HK2: variants seen among roughly 807,000 people sequenced by gnomAD.
HK2 encodes hexokinase 2.
HK2 carries 42 observed loss-of-function variants against 92.9 expected under a neutral mutation model. That is an observed-to-expected ratio of 0.45 (90% confidence interval 0.35 to 0.58). The LOEUF (loss-of-function observed/expected upper bound fraction) is 0.58. Among genes scored for constraint, HK2 ranks in the 20% least tolerant of loss-of-function variants. The pLI, the probability that HK2 is intolerant of heterozygous loss-of-function variation, is 0.00. For synonymous variants in HK2, 422 were observed against 468.0 expected (o/e 0.90, Z 1.27); for missense variants, 978 against 1,245.1 (o/e 0.79, Z 3.23).
chr2:74,848,369 C>A (rs1423627094), intron 1 of HK2, among the ~76,000 whole-genome samples: 1 of 152,214 alleles, frequency 6.6e-6, no homozygotes, highest in East Asian at 1.9e-4. Context: ...AAATATTAAT[C>A]ACAAAATTTA....
At chr2:74,875,884 A>C (rs1573382617) in intron 7 of HK2, among the ~76,000 whole-genome samples, 1 of 151,974 alleles carries the variant, frequency 6.6e-6, no homozygotes, top group Non-Finnish European at 1.5e-5. Flanking sequence ...ATGACAGCAC[A>C]CCCCCGGCTT....
At chr2:74,848,245 T>C (rs748535596) in intron 1 of HK2, among the ~76,000 whole-genome samples, 2 of 152,200 alleles carry the variant, frequency 1.3e-5, no homozygotes, top group Non-Finnish European at 2.9e-5. Flanking sequence ...ACAAGACTCA[T>C]CTCTCCACGC....
At chr2:74,844,602 C>T (rs1445899798) in intron 1 of HK2, among the ~76,000 whole-genome samples, 2 of 152,118 alleles carry the variant, frequency 1.3e-5, no homozygotes, top group African/African-American at 2.4e-5. Flanking sequence ...GCAAGTGGAC[C>T]GCTGGCAGCA....
Position 74,873,744 on chromosome 2 carries a change from A to AG in HK2, c.592-99dup, listed in dbSNP as rs1251303681. ...ATGGGGAGGGAGGGGGGAGAGAGAG[A>AG]GAAGGAGGAGGAGGAGGAGGAGGAG... On this transcript the variant is annotated intron_variant, in intron 5 of 17. Coordinates refer to ENST00000290573, the MANE Select transcript of HK2 (RefSeq NM_000189.5). The AG allele has an allele frequency of 1.6e-4, 121 of 748,452 alleles. 1 individual carries two copies. Among genetic ancestry groups the AG allele is most frequent in the African/African-American group, 4.7e-4 (22 of 47,148 alleles). The allele number at this position is 748,452 out of a possible 1,614,324, so 46.4% of individuals were successfully genotyped here.
intron 16 of HK2, among the ~76,000 whole-genome samples, chr2:74,888,942 A>G (rs898286838): frequency 1.3e-5 from 2 of 152,180 alleles, no homozygotes; most frequent in Non-Finnish European, 2.9e-5. Flanking sequence ...GTAACTGACC[A>G]CTGTGATAAA....
rs745989153 is a variant in HK2, at chr2:74,889,461, C to G, written c.2592C>G (p.Leu864=). ...LKVTVGVDGT[L]YKLHPHFAKV... is the part of the protein sequence containing the mutation. ...TGACAGTGGGTGTGGATGGGACCCTCTACAAGCTACATCCTCAGTGAGTGC... is the reference window on the plus strand; with the variant it reads ...TGACAGTGGGTGTGGATGGGACCCTGTACAAGCTACATCCTCAGTGAGTGC... Residue 864 remains leucine, a synonymous_variant, in exon 17 of 18, where the codon CTC becomes CTG. Transcript: ENST00000290573. 6.2e-7 allele frequency: 1 copy of G among 1,609,600 alleles called. No individual in the cohort carries two copies. Among genetic ancestry groups the G allele is most frequent in the East Asian group, 2.2e-5 (1 of 44,752 alleles).
At position 74,891,126 on chromosome 2, in the gene HK2, GATAA is replaced by G. The variant is rs1352076215; in HGVS notation, c.*189_*192del. On this transcript the variant is annotated 3_prime_UTR_variant, in exon 18 of 18. Transcript: ENST00000290573. ...TGGTGGCTGAGCTTGGCCCTATTAA[GATAA>G]ATAGAGTTCCAAATAAGGATTTGTT... The G allele has an allele frequency of 1.7e-5, 11 of 632,240 alleles. No individual in the cohort carries two copies. The highest frequency in any genetic ancestry group is 9.2e-5 in the African/African-American group (5 of 54,508). 39.2% of individuals were successfully genotyped at this position (632,240 alleles called of 1,614,324 possible).
intron 12 of HK2, among the ~76,000 whole-genome samples, chr2:74,884,150 T>C (rs1446375829): frequency 6.6e-6 from 1 of 152,232 alleles, no homozygotes; most frequent in Non-Finnish European, 1.5e-5. Context: ...CCAGAATGTG[T>C]GTTAACTGTT....
chr2:74,862,543 G>A (rs1053221053), intron 2 of HK2, among the ~76,000 whole-genome samples: 1 of 152,204 alleles, frequency 6.6e-6, no homozygotes, highest in Non-Finnish European at 1.5e-5. Flanking sequence ...AAGGGAGACC[G>A]GGCTGGTGAT....
Position 74,846,069 on chromosome 2 carries a change from C to A in HK2, c.64-8224C>A, listed in dbSNP as rs1397085766. The stretch of plus-strand genomic sequence containing the variant: ...GGACTAGGCCTGTGATTTGGGGAGG[C>A]TTCTCCAAGTCTTGGTTTCCTTGTC... On this transcript the variant is annotated intron_variant, in intron 1 of 17. Coordinates refer to ENST00000290573, the MANE Select transcript of HK2 (RefSeq NM_000189.5). Among the ~76,000 whole-genome samples, 6 of 152,252 alleles carry A rather than the reference C, an allele frequency of 3.9e-5. No individual in the cohort carries two copies. In the East Asian group the frequency reaches 1.2e-3, roughly 29 times the overall value.
chr2:74,886,445 G>A (rs2306806), intron 14 of HK2, 45 bp from the exon 15 acceptor site: 936,899 of 1,613,512 alleles, frequency 0.58, 275,240 homozygotes, highest in Middle Eastern at 0.72. Flanking sequence ...CTTGGGTGTG[G>A]AGGGGTTGGT....
intron 1 of HK2, among the ~76,000 whole-genome samples, chr2:74,852,128 C>T (rs1322804760): frequency 6.6e-6 from 1 of 152,194 alleles, no homozygotes; most frequent in Admixed American, 6.5e-5. Context: ...TGGGAGCAAA[C>T]CCGGAGAATA....
At chr2:74,869,827 A>G (rs1689052229) in intron 3 of HK2, among the ~76,000 whole-genome samples, 1 of 152,110 alleles carries the variant, frequency 6.6e-6, no homozygotes, top group African/African-American at 2.4e-5. Flanking sequence ...CACTTGAGAA[A>G]AGATGTAGGT....
At chr2:74,885,406 G>A in intron 12 of HK2, 88 bp from the exon 13 acceptor site, 1 of 874,198 alleles carries the variant, frequency 1.1e-6, no homozygotes, top group Admixed American at 1.8e-5. Flanking sequence ...GACCTGTGAG[G>A]TTGAGAGCTA....
chr2:74,863,166 G>C (rs1290349829), intron 2 of HK2, among the ~76,000 whole-genome samples: 5 of 152,224 alleles, frequency 3.3e-5, no homozygotes, highest in Admixed American at 2.6e-4. Flanking sequence ...AAGAGCACCA[G>C]AGTGGTGCAT....
At chr2:74,885,927 C>A in intron 13 of HK2, among the ~76,000 whole-genome samples, 1 of 150,384 alleles carries the variant, frequency 6.6e-6, no homozygotes. Context: ...AGCAAAACAG[C>A]CATGAGGGCT....
At position 74,891,547 on chromosome 2, in the gene HK2, T is replaced by C. The variant is rs1280520032; in HGVS notation, c.*606T>C. ...ATTTGCCATTCCTGGAATCAAGGAA[T>C]CCTGAGTCTGGGCAATGAAACCAAA... is the stretch of plus-strand genomic sequence containing the variant. On this transcript the variant is annotated 3_prime_UTR_variant, in exon 18 of 18. Transcript: ENST00000290573. 6.5e-6 allele frequency: 1 copy of C among 153,404 alleles called. No homozygotes were observed. The highest frequency in any genetic ancestry group is 1.5e-5 in the Non-Finnish European group (1 of 68,904). 9.5% of individuals were successfully genotyped at this position (153,404 alleles called of 1,614,324 possible).
rs2229627 is a variant in HK2, at chr2:74,886,662, C to G, written c.2208C>G (p.Pro736=). Reference sequence around the variant, plus strand: ...CTGTGGATGAGCTTTCACTCAACCCCGGCAAGCAGAGGTAGGCACCCAACT... The same window carrying G: ...CTGTGGATGAGCTTTCACTCAACCCGGGCAAGCAGAGGTAGGCACCCAACT... ...DVAVDELSLN[P]GKQRFEKMIS... The change falls in exon 15 of 18, where the codon CCC becomes CCG. Residue 736 remains proline, a synonymous_variant. Coordinates refer to ENST00000290573, the MANE Select transcript of HK2 (RefSeq NM_000189.5). The G allele has an allele frequency of 0.59, 946,102 of 1,613,306 alleles. 279,389 individuals carry two copies. Among genetic ancestry groups the G allele is most frequent in the Middle Eastern group, 0.73 (4,417 of 6,062 alleles).
chr2:74,866,202 G>A (rs1231870743), intron 2 of HK2, among the ~76,000 whole-genome samples: 3 of 152,114 alleles, frequency 2.0e-5, no homozygotes, highest in Admixed American at 6.5e-5. Flanking sequence ...GGGCCTAAGT[G>A]CTGGAGGTGC....
Sources: allele counts gnomAD v4.1 joint callset (sites outside exome capture counted in the v4.1 genomes callset), GRCh38; gene constraint gnomAD v4.1.1; transcripts MANE v1.5; gene names NCBI Gene and HGNC (gene_info 2026-07-23, HGNC 2026-07-21).